The following GBE1 variants were observed in gnomAD, a reference collection of about 807,000 sequenced individuals.
The protein encoded by GBE1 is 1,4-alpha-glucan-branching enzyme.
GBE1 carries 70 observed loss-of-function variants against 88.8 expected under a neutral mutation model. That is an observed-to-expected ratio of 0.79 (90% confidence interval 0.65 to 0.96). The LOEUF is 0.96. GBE1 is among the 40% of genes least tolerant of loss of function. The pLI, the probability that GBE1 is intolerant of heterozygous loss-of-function variation, is 0.00. For synonymous variants in GBE1, 284 were observed against 300.1 expected (o/e 0.95, Z 0.56); for missense variants, 872 against 871.0 (o/e 1.00, Z -0.01).
chr3:81,721,557 T>C (rs1466318559), intron 1 of GBE1, among the ~76,000 whole-genome samples: 1 of 152,144 alleles, frequency 6.6e-6, no homozygotes, highest in Non-Finnish European at 1.5e-5. Flanking sequence ...AAGACTGAGT[T>C]CACGGAGAGC....
intron 7 of GBE1, among the ~76,000 whole-genome samples, chr3:81,606,924 G>C (rs1704110817): frequency 6.6e-6 from 1 of 152,168 alleles, no homozygotes; most frequent in Admixed American, 6.6e-5. Context: ...TAGATGTACA[G>C]ATGTCACGTT....
At chr3:81,614,472 C>T (rs1317747820) in intron 7 of GBE1, among the ~76,000 whole-genome samples, 3 of 152,166 alleles carry the variant, frequency 2.0e-5, no homozygotes, top group Non-Finnish European at 2.9e-5. Context: ...CATGGTGGCT[C>T]ATGCCTGCAA....
intron 1 of GBE1, among the ~76,000 whole-genome samples, chr3:81,756,097 T>C (rs933779841): frequency 6.6e-6 from 1 of 152,120 alleles, no homozygotes; most frequent in African/African-American, 2.4e-5. Context: ...TAAAACCCCT[T>C]CTCCCATTCT....
At chr3:81,528,326 G>A (rs1702973199) in intron 14 of GBE1, among the ~76,000 whole-genome samples, 1 of 151,908 alleles carries the variant, frequency 6.6e-6, no homozygotes, top group East Asian at 1.9e-4. Context: ...GTATACATAT[G>A]TAACAAACCT....
chr3:81,661,421 A>C (rs1210274409), intron 3 of GBE1, among the ~76,000 whole-genome samples: 1 of 152,194 alleles, frequency 6.6e-6, no homozygotes, highest in East Asian at 1.9e-4. Flanking sequence ...GAGAAAAAGA[A>C]TGCTTTTTAT....
At chr3:81,525,287 A>G (rs1442128612) in intron 14 of GBE1, among the ~76,000 whole-genome samples, 1 of 152,008 alleles carries the variant, frequency 6.6e-6, no homozygotes, top group Non-Finnish European at 1.5e-5. Context: ...TATTGAGATA[A>G]TCATGTGGTT....
chr3:81,711,902 C>T (rs1374700906), intron 1 of GBE1, among the ~76,000 whole-genome samples: 1 of 152,050 alleles, frequency 6.6e-6, no homozygotes, highest in Non-Finnish European at 1.5e-5. Context: ...TTGCAATCTA[C>T]TCATCTGACA....
chr3:81,713,638 AT>A (rs1200561286), intron 1 of GBE1, among the ~76,000 whole-genome samples: 1 of 152,184 alleles, frequency 6.6e-6, no homozygotes, highest in African/African-American at 2.4e-5. Context: ...AATGAAAAGA[AT>A]TTTTTAAATG....
At chr3:81,741,477 G>C (rs1706348416) in intron 1 of GBE1, among the ~76,000 whole-genome samples, 1 of 151,958 alleles carries the variant, frequency 6.6e-6, no homozygotes, top group Non-Finnish European at 1.5e-5. Flanking sequence ...GAAGTCGAGA[G>C]GAACAGCAAT....
chr3:81,642,790 G>C lies in GBE1; in HGVS notation c.983C>G (p.Ala328Gly), dbSNP rs1364362668. Residue 328 changes from alanine (A) to glycine (G), a missense_variant, in exon 7 of 16, where the codon GCC (alanine) becomes GGC (glycine). Ala to Gly is a moderately conservative substitution (Grantham distance 60, BLOSUM62 0). Coordinates refer to ENST00000429644, the MANE Select transcript of GBE1 (RefSeq NM_000158.4). ...THDLWDSRLF[A>G]YSSWEILRFL... ...TATTGTATGTACCTACCTGGAGTAG[G>C]CAAACAATCTGCTATCCCAAAGATC... The C allele has an allele frequency of 6.2e-7, 1 of 1,600,384 alleles. No homozygotes were observed. The highest frequency in any genetic ancestry group is 8.6e-7 in the Non-Finnish European group (1 of 1,167,876).
At chr3:81,626,391 T>G (rs373937035) in intron 7 of GBE1, among the ~76,000 whole-genome samples, 8 of 152,226 alleles carry the variant, frequency 5.3e-5, no homozygotes, top group African/African-American at 1.9e-4. Flanking sequence ...AAAAGAAAAA[T>G]AGGTAAGTTG....
At chr3:81,603,078 C>G (rs1040434148) in intron 7 of GBE1, among the ~76,000 whole-genome samples, 6 of 152,024 alleles carry the variant, frequency 3.9e-5, no homozygotes, top group African/African-American at 1.2e-4. Flanking sequence ...CTCTTATTCT[C>G]TTTCCTTCCA....
In GBE1 at chr3:81,489,703, T is replaced by C. The variant is rs1251754233; in HGVS notation, c.*704A>G. ...GCAAAATAAACATTAGCAAAGGCAA[T>C]TTTACAAAAGCTTTTTATTGATTGA... On this transcript the variant is annotated 3_prime_UTR_variant, in exon 16 of 16. Transcript: ENST00000429644. 3 of 152,084 alleles carry C rather than the reference T, an allele frequency of 2.0e-5. No homozygotes were observed. Among genetic ancestry groups the C allele is most frequent in the African/African-American group, 7.2e-5 (3 of 41,426 alleles). 9.4% of individuals were successfully genotyped at this position (152,084 alleles called of 1,614,324 possible). A position where few individuals can be genotyped will look rare whatever the true frequency, so the allele number is the denominator to read the frequency against.
intron 3 of GBE1, among the ~76,000 whole-genome samples, chr3:81,663,695 T>TA (rs1705063593): frequency 6.6e-6 from 1 of 152,052 alleles, no homozygotes; most frequent in Admixed American, 6.6e-5. Context: ...GACAGCAAAC[T>TA]AAAAGCACAC....
intron 3 of GBE1, chr3:81,654,616 A>G (rs2107084213): frequency 6.6e-6 from 1 of 152,272 alleles, no homozygotes; most frequent in Middle Eastern, 3.4e-3. Context: ...TACTACAAAT[A>G]TCTCCTAATG....
At chr3:81,642,643 C>T (rs1433048979) in intron 7 of GBE1, 138 bp downstream of exon 7, 6 of 633,612 alleles carry the variant, frequency 9.5e-6, no homozygotes, top group African/African-American at 3.7e-5. Flanking sequence ...GGTAAAATCC[C>T]CTGTACAACA....
chr3:81,630,336 ATCCCCATCAAGCTACCAATGACT>A (rs1276546302), intron 7 of GBE1, among the ~76,000 whole-genome samples: 9 of 152,262 alleles, frequency 5.9e-5, no homozygotes, highest in African/African-American at 2.2e-4. Flanking sequence ...GAAAATGGCC[ATCCCCATCAAGCTACCAATGACT>A]TCCCCATCAA....
At chr3:81,711,168 G>A (rs895591632) in intron 1 of GBE1, among the ~76,000 whole-genome samples, 7 of 152,220 alleles carry the variant, frequency 4.6e-5, no homozygotes, top group African/African-American at 1.7e-4. Flanking sequence ...ACCTGGAAAT[G>A]TATTGAGTAT....
chr3:81,753,703 C>T (rs532895857), intron 1 of GBE1, among the ~76,000 whole-genome samples: 10 of 152,232 alleles, frequency 6.6e-5, no homozygotes, highest in African/African-American at 2.4e-4. Context: ...GCCTGTTGAC[C>T]ATCACTGTAG....
Sources: allele counts gnomAD v4.1 joint callset (sites outside exome capture counted in the v4.1 genomes callset), GRCh38; gene constraint gnomAD v4.1.1; transcripts MANE v1.5; gene names NCBI Gene and HGNC (gene_info 2026-07-23, HGNC 2026-07-21).